The following GDAP2 variants were observed in gnomAD, a reference collection of about 807,000 sequenced individuals.
The protein encoded by GDAP2 is ganglioside-induced differentiation-associated protein 2.
Under a neutral mutation model 67.0 loss-of-function variants are expected in GDAP2, and 51 were observed. That is an observed-to-expected ratio of 0.76 (90% CI 0.61 to 0.96). The LOEUF (loss-of-function observed/expected upper bound fraction) is 0.96. Ranked by LOEUF, GDAP2 falls within the 40% of genes least tolerant of loss-of-function variation. The probability of loss-of-function intolerance (pLI) is 0.00; values close to 1 mark genes in which losing one functional copy is unlikely to be tolerated. For synonymous variants in GDAP2, 203 were observed against 207.3 expected, an observed-to-expected ratio of 0.98 and a Z score of 0.18; for missense variants, 547 against 588.3, an observed-to-expected ratio of 0.93 and a Z score of 0.73.
At chr1:117,898,705 T>C (rs1049798590) in intron 7 of GDAP2, among the ~76,000 whole-genome samples, 2 of 152,170 alleles carry the variant, frequency 1.3e-5, no homozygotes, top group African/African-American at 4.8e-5. Context: ...TATTTAATGT[T>C]AAGTATGATT....
At position 117,887,747 on chromosome 1, in the gene GDAP2, T is replaced by A. The variant is rs766139592; in HGVS notation, c.981A>T (p.Arg327Ser). The A allele has an allele frequency of 2.5e-6, 4 of 1,578,204 alleles. No homozygotes were observed. The highest frequency in any genetic ancestry group is 1.7e-4 in the Middle Eastern group (1 of 5,806). ...AAGCAATATCAGACAGATCCTCAGA[T>A]CTTGCTTGACATAACCAGCGATTAT... Reference protein sequence around the residue: ...RNYNRWLCQARSEDLSDIASL... With the variant: ...RNYNRWLCQASSEDLSDIASL... The change falls in exon 9 of 14, where the codon AGA (arginine) becomes AGT (serine). Residue 327 changes from arginine to serine, a missense_variant. Arg to Ser is a moderately radical substitution (Grantham distance 110). Transcript: ENST00000369443.
chr1:117,922,883 C>T (rs1015570629), intron 1 of GDAP2, among the ~76,000 whole-genome samples: 4 of 152,208 alleles, frequency 2.6e-5, no homozygotes, highest in South Asian at 2.1e-4. Context: ...AGCCTGGGGG[C>T]GTTGCAGGAG....
intron 8 of GDAP2, among the ~76,000 whole-genome samples, chr1:117,894,181 C>T (rs1007604294): frequency 6.6e-6 from 1 of 151,538 alleles, no homozygotes; most frequent in Non-Finnish European, 1.5e-5. Flanking sequence ...TCTCTTTCGC[C>T]CAGGCAGGAG....
intron 3 of GDAP2, among the ~76,000 whole-genome samples, chr1:117,916,418 T>C (rs976738556): frequency 6.6e-6 from 1 of 152,066 alleles, no homozygotes; most frequent in Non-Finnish European, 1.5e-5. Context: ...TGCAAGGACA[T>C]GGGGATCAGT....
intron 5 of GDAP2, among the ~76,000 whole-genome samples, chr1:117,909,283 T>C (rs1649767994): frequency 6.6e-6 from 1 of 152,188 alleles, no homozygotes. Context: ...CACATAGTAG[T>C]CACTTAAATT....
chr1:117,886,717 C>A, intron 9 of GDAP2, 64 bp from the exon 10 acceptor site: 1 of 845,138 alleles, frequency 1.2e-6, no homozygotes, highest in South Asian at 1.4e-5. Context: ...TTGTCTTGGG[C>A]TCTGACTTTA....
intron 3 of GDAP2, among the ~76,000 whole-genome samples, chr1:117,915,697 A>T (rs1418483883): frequency 2.6e-5 from 4 of 152,228 alleles, no homozygotes; most frequent in African/African-American, 4.8e-5. Context: ...CAAACCTCAC[A>T]TAGGTTTAGT....
rs150731668 is a variant in GDAP2, at chr1:117,916,327, G to C, written c.316+2270C>G. ...AAAGGAGCTTGTGACAAGGTAGTGA[G>C]AAGAGATCAGTTTGGCTCAAGCATG... On this transcript the variant is annotated intron_variant, in intron 3 of 13. Transcript: ENST00000369443. Among the ~76,000 whole-genome samples the C allele has an allele frequency of 1.9e-3, 292 of 152,350 alleles. 3 individuals are homozygous for C. The highest frequency in any genetic ancestry group is 6.8e-3 in the Middle Eastern group (2 of 294).
rs1191869667 is a variant in GDAP2, at chr1:117,867,135, T to C, written c.*3434A>G. 1 of 152,150 alleles carries C rather than the reference T, an allele frequency of 6.6e-6. No individual in the cohort carries two copies. Among genetic ancestry groups the C allele is most frequent in the Non-Finnish European group, 1.5e-5 (1 of 68,032 alleles). The allele number at this position is 152,150 out of a possible 1,614,324, so 9.4% of individuals were successfully genotyped here. ...TATGCTGAATACTTAATTTTATCACTTCTCCATTAACTGTTATAAAGACAA... is the reference window on the plus strand; with the variant it reads ...TATGCTGAATACTTAATTTTATCACCTCTCCATTAACTGTTATAAAGACAA... On this transcript the variant is annotated 3_prime_UTR_variant, in exon 14 of 14. Transcript: ENST00000369443.
intron 5 of GDAP2, among the ~76,000 whole-genome samples, chr1:117,910,574 T>C (rs1394472177): frequency 1.3e-5 from 2 of 152,198 alleles, no homozygotes; most frequent in Non-Finnish European, 2.9e-5. Context: ...TAATAACTTA[T>C]ACATTCAAAT....
At chr1:117,912,146 ATAAG>A (rs1332269370) in intron 4 of GDAP2, 64 bp from the exon 5 acceptor site, 15 of 938,214 alleles carry the variant, frequency 1.6e-5, no homozygotes, top group African/African-American at 3.3e-5. Context: ...ACAACAATAT[ATAAG>A]TAATTTCAAA....
At chr1:117,891,295 G>GT (rs915553115) in intron 8 of GDAP2, among the ~76,000 whole-genome samples, 16 of 151,538 alleles carry the variant, frequency 1.1e-4, no homozygotes, top group African/African-American at 3.9e-4. Flanking sequence ...TCTTGAGTAG[G>GT]TACCAATGAG....
At chr1:117,900,487 G>A (rs916249614) in intron 6 of GDAP2, among the ~76,000 whole-genome samples, 2 of 152,226 alleles carry the variant, frequency 1.3e-5, no homozygotes, top group African/African-American at 4.8e-5. Context: ...GGAATACAGG[G>A]CCAGGCACAG....
chr1:117,927,604 C>T (rs1650497775), intron 1 of GDAP2, among the ~76,000 whole-genome samples: 1 of 152,112 alleles, frequency 6.6e-6, no homozygotes, highest in African/African-American at 2.4e-5. Flanking sequence ...GATATGTGTG[C>T]ATACCATACT....
At chr1:117,923,835 C>T (rs1325202270) in intron 1 of GDAP2, among the ~76,000 whole-genome samples, 1 of 152,152 alleles carries the variant, frequency 6.6e-6, no homozygotes, top group Non-Finnish European at 1.5e-5. Flanking sequence ...AGTGTGCATC[C>T]CTAGAAACCA....
Position 117,906,486 on chromosome 1 carries a change from C to G in GDAP2, c.636+20G>C. Reference sequence around the variant, plus strand: ...AAAGATAGAAATAAGATTTAAATAACGTAACAGTTAGCAAAATACCTCTTC... The same window carrying G: ...AAAGATAGAAATAAGATTTAAATAAGGTAACAGTTAGCAAAATACCTCTTC... On this transcript the variant is annotated intron_variant, in intron 6 of 13. Transcript: ENST00000369443. The G allele has an allele frequency of 7.8e-7, 1 of 1,289,746 alleles. No homozygotes were observed. Among genetic ancestry groups the G allele is most frequent in the Non-Finnish European group, 1.1e-6 (1 of 900,042 alleles). The allele number at this position is 1,289,746 out of a possible 1,614,324, so 79.9% of individuals were successfully genotyped here.
Position 117,895,650 on chromosome 1 carries a change from C to T in GDAP2, c.953+1183G>A, listed in dbSNP as rs577603267. Among the ~76,000 whole-genome samples the T allele has an allele frequency of 3.9e-5, 6 of 152,218 alleles. No homozygotes were observed. The South Asian group carries it at 1.2e-3, about 32-fold the overall frequency. On this transcript the variant is annotated intron_variant, in intron 8 of 13. Coordinates refer to ENST00000369443, the MANE Select transcript of GDAP2 (RefSeq NM_017686.4). ...TACACATATGGCCAAGTTTAGAAAC[C>T]ACTGAAAGTATCATTTGACTGTGAC...
chr1:117,919,618 G>A (rs1487362238), intron 2 of GDAP2, among the ~76,000 whole-genome samples: 1 of 152,080 alleles, frequency 6.6e-6, no homozygotes, highest in East Asian at 1.9e-4. Context: ...ATGGACTGTG[G>A]TGAGGGTTAT....
intron 9 of GDAP2, among the ~76,000 whole-genome samples, 195 bp downstream of exon 9, chr1:117,887,503 C>T (rs987225031): frequency 2.0e-5 from 3 of 152,122 alleles, no homozygotes. Context: ...CAATGCAGAA[C>T]TGTAAGTTGA....
Sources: gnomAD v4.1 joint callset for allele counts (sites outside exome capture counted in the v4.1 genomes callset) on GRCh38, gnomAD v4.1.1 for gene constraint, MANE v1.5 for transcripts, NCBI Gene and HGNC (gene_info 2026-07-23, HGNC 2026-07-21) for gene names.